Variants in PRKN observed in about 807,000 individuals in gnomAD.
PRKN encodes the protein parkin RBR E3 ubiquitin protein ligase, also known as E3 ubiquitin-protein ligase parkin.
Under a neutral mutation model 59.5 loss-of-function variants are expected in PRKN, and 56 were observed. The observed-to-expected ratio is 0.94, with a 90% CI of 0.76 to 1.18. The LOEUF is 1.18. Ranked by LOEUF, PRKN falls within the 50% of genes most tolerant of loss-of-function variation. The probability of loss-of-function intolerance (pLI) is 0.00; values close to 1 mark genes in which losing one functional copy is unlikely to be tolerated. For missense variants in PRKN, 657 were observed against 596.4 expected (o/e 1.10, Z -1.06); for synonymous variants, 250 against 222.1 (o/e 1.13, Z -1.12).
rs139043038 is a variant in PRKN, at chr6:162,016,897, G to A, written c.618+37194C>T. 1.6e-3 allele frequency among the ~76,000 whole-genome samples: 251 copies of A among 152,154 alleles called. 1 individual carries two copies. The highest frequency in any genetic ancestry group is 2.9e-3 in the Non-Finnish European group (195 of 68,008). Reference sequence around the variant, plus strand: ...AGTAACAAGAGGGGATGGGCAGGATGGATGCCTACCCAACACGCCAACTCC... The same window carrying A: ...AGTAACAAGAGGGGATGGGCAGGATAGATGCCTACCCAACACGCCAACTCC... On this transcript the variant is annotated intron_variant, in intron 5 of 11. Coordinates refer to ENST00000366898, the MANE Select transcript of PRKN (RefSeq NM_004562.3).
intron 6 of PRKN, among the ~76,000 whole-genome samples, chr6:161,833,085 C>A (rs746805213): frequency 6.6e-6 from 1 of 152,164 alleles, no homozygotes; most frequent in Non-Finnish European, 1.5e-5. Context: ...GTAGACAATG[C>A]AACGTCTACT....
At chr6:161,978,134 C>T (rs1781124997) in intron 5 of PRKN, among the ~76,000 whole-genome samples, 2 of 152,092 alleles carry the variant, frequency 1.3e-5, no homozygotes, top group Admixed American at 1.3e-4. Context: ...ACTGCAACCT[C>T]TGCCTCCCAG....
At chr6:161,422,905 G>A (rs940459833) in intron 9 of PRKN, among the ~76,000 whole-genome samples, 3 of 152,216 alleles carry the variant, frequency 2.0e-5, no homozygotes, top group Non-Finnish European at 4.4e-5. Context: ...GACGCCAACA[G>A]CAGCCCTTTT....
At chr6:162,713,319 C>T (rs1306817695) in intron 1 of PRKN, among the ~76,000 whole-genome samples, 2 of 151,882 alleles carry the variant, frequency 1.3e-5, no homozygotes, top group Admixed American at 1.3e-4. Flanking sequence ...ACAGTGAAAC[C>T]CCGTCTCTAT....
intron 4 of PRKN, among the ~76,000 whole-genome samples, chr6:162,087,448 A>C (rs1487067483): frequency 6.6e-6 from 1 of 151,924 alleles, no homozygotes; most frequent in Non-Finnish European, 1.5e-5. Context: ...GGCACAGATT[A>C]GAATTTTATT....
At chr6:162,292,422 T>G (rs540133531) in intron 2 of PRKN, among the ~76,000 whole-genome samples, 41 of 152,242 alleles carry the variant, frequency 2.7e-4, no homozygotes, top group African/African-American at 9.4e-4. Context: ...CTTTCTACCT[T>G]AAAGGCTCCA....
intron 9 of PRKN, among the ~76,000 whole-genome samples, chr6:161,403,569 C>A (rs2114985866): frequency 6.6e-6 from 1 of 152,296 alleles, no homozygotes; most frequent in South Asian, 2.1e-4. Context: ...GGCCTCAGGG[C>A]AGGAGCACGT....
chr6:162,408,303 C>T (rs1448479464), intron 2 of PRKN, among the ~76,000 whole-genome samples: 1 of 150,516 alleles, frequency 6.6e-6, no homozygotes, highest in Middle Eastern at 3.2e-3. Flanking sequence ...AAAAAAAAAA[C>T]AAAACAAAAG....
At position 161,356,058 on chromosome 6, in the gene PRKN, G is replaced by T. The variant is rs1339205545; in HGVS notation, c.1285+4030C>A. ...AGCTCTCAGGGTGGTCCTGAATTTC[G>T]TTAGTGGGTTGGGTATTATGACCAA... On this transcript the variant is annotated intron_variant, in intron 11 of 11. Coordinates refer to ENST00000366898, the MANE Select transcript of PRKN (RefSeq NM_004562.3). This position sits in a 1 kb window ranked among gnomAD's most constrained non-coding sequence, Gnocchi z 7.8. Among the ~76,000 whole-genome samples, 7 of 152,198 alleles carry T rather than the reference G, an allele frequency of 4.6e-5. No individual in the cohort carries two copies. Among genetic ancestry groups the T allele is most frequent in the South Asian group, 2.1e-4 (1 of 4,834 alleles).
In PRKN at chr6:161,373,311, C is replaced by T. The variant is rs1490019510; in HGVS notation, c.1168-13106G>A. ...GGTTCCAACAACTGGGCTGTGTGGC[C>T]CAGCTACATTGACACAGAAAATTAC... is the stretch of plus-strand genomic sequence containing the variant. On this transcript the variant is annotated intron_variant, in intron 10 of 11. Transcript: ENST00000366898. This position sits in a 1 kb window ranked among gnomAD's most constrained non-coding sequence, Gnocchi z 4.8. Among the ~76,000 whole-genome samples the T allele has an allele frequency of 1.3e-5, 2 of 152,092 alleles. No individual in the cohort carries two copies. The highest frequency in any genetic ancestry group is 4.8e-5 in the African/African-American group (2 of 41,420).
intron 4 of PRKN, among the ~76,000 whole-genome samples, chr6:162,194,177 C>T (rs1434004395): frequency 3.3e-5 from 5 of 152,002 alleles, no homozygotes; most frequent in East Asian, 1.9e-4. Flanking sequence ...AAGAAGAAAA[C>T]GTTCTTAAGA....
rs926551692 is a variant in PRKN at position 161,975,869 on chromosome 6, T to C, written c.619-2452A>G. Among the ~76,000 whole-genome samples the C allele has an allele frequency of 4.6e-5, 7 of 152,160 alleles. 1 individual carries two copies. Among genetic ancestry groups the C allele is most frequent in the Admixed American group, 6.5e-5 (1 of 15,280 alleles). ...CGTGTCTGAAAATAATGCTACATCTTACGTAAAATATGTGACTCTCAAAAA... is the reference window on the plus strand; with the variant it reads ...CGTGTCTGAAAATAATGCTACATCTCACGTAAAATATGTGACTCTCAAAAA... On this transcript the variant is annotated intron_variant, in intron 5 of 11. Coordinates refer to ENST00000366898, the MANE Select transcript of PRKN (RefSeq NM_004562.3).
chr6:162,220,158 T>A (rs960906695), intron 3 of PRKN, among the ~76,000 whole-genome samples: 5 of 151,956 alleles, frequency 3.3e-5, no homozygotes, highest in African/African-American at 1.2e-4. Context: ...AAAATACCTA[T>A]CACCATACAG....
chr6:162,172,788 GAACAA>G (rs2128320181), intron 4 of PRKN, among the ~76,000 whole-genome samples: 1 of 152,162 alleles, frequency 6.6e-6, no homozygotes, highest in African/African-American at 2.4e-5. Context: ...AAAACCAAAG[GAACAA>G]AATAAAAATG....
At chr6:162,519,275 T>G (rs1484374955) in intron 1 of PRKN, among the ~76,000 whole-genome samples, 1 of 152,204 alleles carries the variant, frequency 6.6e-6, no homozygotes, top group Non-Finnish European at 1.5e-5. Context: ...AGAGTAGGCA[T>G]GCTGTCGGAG....
At chr6:162,315,269 A>C (rs1024346219) in intron 2 of PRKN, among the ~76,000 whole-genome samples, 8 of 152,190 alleles carry the variant, frequency 5.3e-5, no homozygotes, top group Non-Finnish European at 1.0e-4. Context: ...ACAATTTTTC[A>C]ATATAAGCAA....
At chr6:161,608,431 G>A (rs892216944) in intron 7 of PRKN, among the ~76,000 whole-genome samples, 9 of 152,120 alleles carry the variant, frequency 5.9e-5, no homozygotes, top group African/African-American at 2.2e-4. Context: ...GCAGGCACAT[G>A]TTGTGTACAG....
intron 1 of PRKN, among the ~76,000 whole-genome samples, chr6:162,680,455 C>G (rs924589274): frequency 4.0e-5 from 6 of 151,812 alleles, no homozygotes; most frequent in African/African-American, 9.7e-5. Flanking sequence ...GAATCCAAAT[C>G]TAGCTAGAAA....
At chr6:162,050,576 G>T (rs1422647124) in intron 5 of PRKN, among the ~76,000 whole-genome samples, 1 of 151,832 alleles carries the variant, frequency 6.6e-6, no homozygotes, top group African/African-American at 2.4e-5. Context: ...AGGGTTTAAT[G>T]TTGACAATGA....
Sources: gnomAD v4.1 joint callset for allele counts (sites outside exome capture counted in the v4.1 genomes callset) on GRCh38, gnomAD v4.1.1 for gene constraint, Gnocchi (gnomAD v3.1) non-coding constraint, MANE v1.5 for transcripts, NCBI Gene and HGNC (gene_info 2026-07-23, HGNC 2026-07-21) for gene names.